The following VPS41 variants were observed in gnomAD, a reference collection of about 807,000 sequenced individuals.
VPS41 encodes the protein vacuolar protein sorting-associated protein 41 homolog.
Under a neutral mutation model 130.9 loss-of-function variants are expected in VPS41, and 85 were observed. The observed-to-expected ratio is 0.65, with a 90% CI of 0.55 to 0.78. The LOEUF is 0.78. Among genes scored for constraint, VPS41 ranks in the 30% least tolerant of loss-of-function variants. VPS41 has a pLI of 0.00. For synonymous variants in VPS41, 335 were observed against 332.9 expected (o/e 1.01, Z -0.07); for missense variants, 874 against 1,018.7 (o/e 0.86, Z 1.93).
intron 5 of VPS41, among the ~76,000 whole-genome samples, chr7:38,825,796 G>C (rs1354243573): frequency 6.6e-6 from 1 of 152,134 alleles, no homozygotes; most frequent in African/African-American, 2.4e-5. Flanking sequence ...CCGAAATAGA[G>C]GAAACCTACC....
intron 4 of VPS41, among the ~76,000 whole-genome samples, chr7:38,843,355 T>A (rs1785651895): frequency 6.6e-6 from 1 of 152,170 alleles, no homozygotes; most frequent in African/African-American, 2.4e-5. Flanking sequence ...AAATGTCTTC[T>A]TATGACGTTT....
Position 38,765,579 on chromosome 7 carries a change from C to A in VPS41, c.1329+1G>T. 2 of 1,584,372 alleles carry A rather than the reference C, an allele frequency of 1.3e-6. No individual in the cohort carries two copies. Among genetic ancestry groups the A allele is most frequent in the Non-Finnish European group, 1.7e-6 (2 of 1,164,060 alleles). The stretch of plus-strand genomic sequence containing the variant: ...AGAGTTAAAAATAAGGCTTTGCTTA[C>A]CTTAAGCTGTCCAATTTCTTTAAAT... On this transcript the variant is annotated splice_donor_variant, in intron 16 of 28. Transcript: ENST00000310301. LOFTEE classifies it high-confidence loss of function.
At chr7:38,804,540 C>T (rs1037905054) in intron 7 of VPS41, among the ~76,000 whole-genome samples, 3 of 152,214 alleles carry the variant, frequency 2.0e-5, no homozygotes, top group South Asian at 2.1e-4. Context: ...TTAAAAAACA[C>T]TGTATCAACA....
intron 2 of VPS41, among the ~76,000 whole-genome samples, chr7:38,881,504 A>G (rs1365930320): frequency 6.6e-6 from 1 of 152,236 alleles, no homozygotes; most frequent in Non-Finnish European, 1.5e-5. Flanking sequence ...TTGGGGAACC[A>G]TTATTCTGCC....
intron 17 of VPS41, among the ~76,000 whole-genome samples, chr7:38,760,432 A>G (rs1379159117): frequency 6.6e-6 from 1 of 152,182 alleles, no homozygotes; most frequent in African/African-American, 2.4e-5. Flanking sequence ...AGATCTACTG[A>G]GCAAGAGATG....
rs17171450 is a variant in VPS41 at position 38,728,457 on chromosome 7, A to C, written c.2404+85T>G. ...ATTCTGAAAGTTATATAGTTTTATA[A>C]ACGGTAGTTGGCTAATTCCAAAATT... On this transcript the variant is annotated intron_variant, in intron 27 of 28. Coordinates refer to ENST00000310301, the MANE Select transcript of VPS41 (RefSeq NM_014396.4). 1.5e-3 allele frequency: 2,156 copies of C among 1,397,218 alleles called. 24 individuals are homozygous for C. The African/African-American group carries it at 0.024, about 16-fold the overall frequency. The allele number at this position is 1,397,218 out of a possible 1,614,324, so 86.6% of individuals were successfully genotyped here. A position where few individuals can be genotyped will look rare whatever the true frequency, so the allele number is the denominator to read the frequency against.
chr7:38,788,577 T>C (rs1432330271), intron 10 of VPS41, among the ~76,000 whole-genome samples: 1 of 152,214 alleles, frequency 6.6e-6, no homozygotes, highest in Admixed American at 6.5e-5. Flanking sequence ...GGACATTGCA[T>C]TGAGATGTTG....
At chr7:38,897,501 TG>T (rs1562628638) in intron 2 of VPS41, among the ~76,000 whole-genome samples, 1 of 151,888 alleles carries the variant, frequency 6.6e-6, no homozygotes, top group Non-Finnish European at 1.5e-5. Context: ...AAAAATTAGC[TG>T]GGCGTGGCGG....
At chr7:38,824,120 C>T (rs1389424531) in intron 5 of VPS41, among the ~76,000 whole-genome samples, 2 of 152,134 alleles carry the variant, frequency 1.3e-5, no homozygotes, top group African/African-American at 4.8e-5. Context: ...GTATGAATAC[C>T]TGCTCAACTA....
intron 25 of VPS41, among the ~76,000 whole-genome samples, chr7:38,739,234 T>C (rs1369614652): frequency 6.6e-6 from 1 of 152,214 alleles, no homozygotes; most frequent in Non-Finnish European, 1.5e-5. Context: ...CTGGGGTTAC[T>C]GTCCCACCCA....
At chr7:38,779,186 T>C (rs1219979031) in intron 10 of VPS41, among the ~76,000 whole-genome samples, 2 of 152,238 alleles carry the variant, frequency 1.3e-5, no homozygotes, top group Non-Finnish European at 2.9e-5. Context: ...GGACACGGAC[T>C]ATATGCAGTG....
In VPS41 at chr7:38,726,303, G is replaced by A. The variant is rs953270180; in HGVS notation, c.2508C>T (p.Asn836=). 1.2e-6 allele frequency: 2 copies of A among 1,608,152 alleles called. No individual in the cohort carries two copies. The highest frequency in any genetic ancestry group is 2.7e-5 in the African/African-American group (2 of 74,846). The change falls in exon 29 of 29, where the codon AAC becomes AAT. Residue 836 remains asparagine (N), a synonymous_variant. Coordinates refer to ENST00000310301, the MANE Select transcript of VPS41 (RefSeq NM_014396.4). ...PSMNSAAQFC[N]ICSAKNRGPG... is the part of the protein sequence containing the mutation. ...GTCCACGGTTCTTAGCACTGCAGAT[G>A]TTGCAGAACTGTGCAGCAGAGTTCT...
At chr7:38,782,506 C>G (rs988973028) in intron 10 of VPS41, among the ~76,000 whole-genome samples, 2 of 152,192 alleles carry the variant, frequency 1.3e-5, no homozygotes, top group African/African-American at 4.8e-5. Context: ...GTTTTGTGAC[C>G]TAGTTGTTCT....
intron 10 of VPS41, among the ~76,000 whole-genome samples, chr7:38,781,074 C>T (rs1784346989): frequency 1.3e-5 from 2 of 152,108 alleles, no homozygotes; most frequent in African/African-American, 4.8e-5. Flanking sequence ...GAGAATTAAA[C>T]CTCTTTTCTT....
At chr7:38,843,334 G>A (rs1023230845) in intron 4 of VPS41, among the ~76,000 whole-genome samples, 1 of 152,140 alleles carries the variant, frequency 6.6e-6, no homozygotes, top group East Asian at 1.9e-4. Flanking sequence ...GAATTAACAT[G>A]AGTATGCAAA....
intron 2 of VPS41, among the ~76,000 whole-genome samples, chr7:38,878,746 A>C (rs1025784614): frequency 6.6e-6 from 1 of 152,238 alleles, no homozygotes; most frequent in Non-Finnish European, 1.5e-5. Context: ...ATCTTAAAAA[A>C]GCTTTCAGTA....
At position 38,772,375 on chromosome 7, in the gene VPS41, G is replaced by T. The variant is rs1212679149; in HGVS notation, c.1128+147C>A. The T allele has an allele frequency of 9.4e-6, 5 of 533,544 alleles. No homozygotes were observed. The East Asian group carries it at 9.8e-5, about 10-fold the overall frequency. The allele number at this position is 533,544 out of a possible 1,614,324, so 33.1% of individuals were successfully genotyped here. Reference sequence around the variant, plus strand: ...TTTGGTTCCCTAATTTCTGAAGGGGGTACTAGAAAGTTATTAACTTCCTAC... The same window carrying T: ...TTTGGTTCCCTAATTTCTGAAGGGGTTACTAGAAAGTTATTAACTTCCTAC... On this transcript the variant is annotated intron_variant, in intron 13 of 28. Coordinates refer to ENST00000310301, the MANE Select transcript of VPS41 (RefSeq NM_014396.4).
intron 7 of VPS41, among the ~76,000 whole-genome samples, chr7:38,802,628 C>T (rs1399533010): frequency 6.6e-6 from 1 of 152,138 alleles, no homozygotes; most frequent in Non-Finnish European, 1.5e-5. Context: ...GAAAGCTTTG[C>T]TTTGGTGATT....
chr7:38,742,751 C>A (rs1795906159), intron 24 of VPS41, among the ~76,000 whole-genome samples: 1 of 126,842 alleles, frequency 7.9e-6, no homozygotes, highest in Admixed American at 9.7e-5. Context: ...ACAAAGACTT[C>A]CTACCAAACT....
Sources: allele counts gnomAD v4.1 joint callset (sites outside exome capture counted in the v4.1 genomes callset), GRCh38; gene constraint gnomAD v4.1.1; transcripts MANE v1.5; gene names NCBI Gene and HGNC (gene_info 2026-07-23, HGNC 2026-07-21).